Variants in PCDHGA2 observed in about 807,000 individuals in gnomAD.
PCDHGA2 encodes the protein protocadherin gamma subfamily A, 2.
Under a neutral mutation model 59.2 loss-of-function variants are expected in PCDHGA2, and 40 were observed. The observed-to-expected ratio is 0.68, with a 90% CI of 0.52 to 0.88. PCDHGA2 has a LOEUF of 0.88. Among genes scored for constraint, PCDHGA2 ranks in the 40% least tolerant of loss-of-function variants. The probability of loss-of-function intolerance (pLI) is 0.00; values close to 1 mark genes in which losing one functional copy is unlikely to be tolerated. For missense variants in PCDHGA2, 1,226 were observed against 1,204.0 expected (o/e 1.02, Z -0.27); for synonymous variants, 560 against 526.0 (o/e 1.06, Z -0.89).
At position 141,362,384 on chromosome 5, in the gene PCDHGA2, A is replaced by G. The variant is rs1333592752; in HGVS notation, c.2424+20989A>G. The G allele has an allele frequency of 1.9e-6, 3 of 1,614,042 alleles. No homozygotes were observed. The highest frequency in any genetic ancestry group is 2.5e-6 in the Non-Finnish European group (3 of 1,179,894). On this transcript the variant is annotated intron_variant, in intron 1 of 3. Coordinates refer to ENST00000394576, the MANE Select transcript of PCDHGA2 (RefSeq NM_018915.4). ...AATTACAGTGAGGGTACATTGCCCTATTCCTACAACCTGTGTGTTGCCTCA... is the reference window on the plus strand; with the variant it reads ...AATTACAGTGAGGGTACATTGCCCTGTTCCTACAACCTGTGTGTTGCCTCA...
intron 1 of PCDHGA2, chr5:141,350,982 A>G (rs562278000): frequency 2.2e-5 from 36 of 1,614,086 alleles, no homozygotes; most frequent in Non-Finnish European, 3.0e-5. Flanking sequence ...GTGTTTAGCC[A>G]GGAGGTATAC....
intron 1 of PCDHGA2, chr5:141,400,123 G>T: frequency 6.2e-7 from 1 of 1,614,082 alleles, no homozygotes; most frequent in Non-Finnish European, 8.5e-7. Flanking sequence ...CAGCTTGCAG[G>T]AGGTGCTGCC....
rs1757343212 is a variant in PCDHGA2, at chr5:141,343,943, G to T, written c.2424+2548G>T. The T allele has an allele frequency of 5.6e-6, 7 of 1,258,526 alleles. No homozygotes were observed. The East Asian group carries it at 7.3e-5, about 13-fold the overall frequency. 78.0% of individuals were successfully genotyped at this position (1,258,526 alleles called of 1,614,324 possible). On this transcript the variant is annotated intron_variant, in intron 1 of 3. Coordinates refer to ENST00000394576, the MANE Select transcript of PCDHGA2 (RefSeq NM_018915.4). ...GCTGTTTGACCTGTGAATTAGGCCC[G>T]TAAAAGACTTCGTTTCTTGAGAAAA...
intron 1 of PCDHGA2, chr5:141,398,772 G>T: frequency 6.2e-7 from 1 of 1,613,910 alleles, no homozygotes; most frequent in Non-Finnish European, 8.5e-7. Flanking sequence ...TGACTGCCTT[G>T]GACGGTGGAC....
chr5:141,422,563 G>A, intron 1 of PCDHGA2: 3 of 1,613,986 alleles, frequency 1.9e-6, no homozygotes, highest in African/African-American at 1.3e-5. Flanking sequence ...TGTGGCAGAT[G>A]ACAACGATAA....
intron 1 of PCDHGA2, chr5:141,371,806 T>A (rs773656836): frequency 6.2e-7 from 1 of 1,613,888 alleles, no homozygotes; most frequent in South Asian, 1.1e-5. Context: ...GGAGCCTCCA[T>A]TGCGCATGTC....
intron 1 of PCDHGA2, among the ~76,000 whole-genome samples, chr5:141,425,133 A>T (rs1311425564): frequency 6.6e-6 from 1 of 152,200 alleles, no homozygotes; most frequent in Non-Finnish European, 1.5e-5. Flanking sequence ...GTCAAGAAAA[A>T]TGTTCAGGTA....
rs11410533 is a variant in PCDHGA2, at chr5:141,429,387, TA to T, written c.2425-65412del. ...AAATGGAGAAAATGTGTTTTTTTTT[TA>T]AAAAAAATTGAGATTAAGGTCTCAT... On this transcript the variant is annotated intron_variant, in intron 1 of 3. Transcript: ENST00000394576. Among the ~76,000 whole-genome samples, 10 of 151,446 alleles carry T rather than the reference TA, an allele frequency of 6.6e-5. No individual in the cohort carries two copies. In the South Asian group the frequency reaches 1.0e-3, roughly 16 times the overall value.
chr5:141,487,304 C>T lies in PCDHGA2; in HGVS notation c.2425-7503C>T. The T allele has an allele frequency of 6.2e-7, 1 of 1,614,190 alleles. No homozygotes were observed. The highest frequency in any genetic ancestry group is 8.5e-7 in the Non-Finnish European group (1 of 1,180,042). On this transcript the variant is annotated intron_variant, in intron 1 of 3. Transcript: ENST00000394576. This position sits in a 1 kb window ranked among gnomAD's most constrained non-coding sequence, Gnocchi z 5.0. ...TGTCTCCTTTGGCTCATTCGTGGCA[C>T]TACTCTCTAAGTGTCTTCGTGGGGC...
Position 141,364,375 on chromosome 5 carries a change from G to A in PCDHGA2, c.2424+22980G>A, listed in dbSNP as rs749245484. On this transcript the variant is annotated intron_variant, in intron 1 of 3. Transcript: ENST00000394576. The stretch of plus-strand genomic sequence containing the variant: ...GCTGGGGCTGCGGAGAGCTGCTGCT[G>A]CCCTTCATGCTCCTGGGGACGCTGT... 1.9e-6 allele frequency: 3 copies of A among 1,574,886 alleles called. No individual in the cohort carries two copies. In the East Asian group the frequency reaches 6.7e-5, roughly 35 times the overall value.
chr5:141,421,130 A>G, intron 1 of PCDHGA2: 1 of 827,800 alleles, frequency 1.2e-6, no homozygotes, highest in South Asian at 1.8e-5. Context: ...GCTTTCTGAT[A>G]TATTTTGGAT....
intron 1 of PCDHGA2, chr5:141,357,065 A>C: frequency 1.2e-6 from 2 of 1,613,964 alleles, no homozygotes; most frequent in Non-Finnish European, 8.5e-7. Context: ...GTGGGGCTGC[A>C]CACAGGCGAG....
At chr5:141,442,403 G>A (rs1042068651) in intron 1 of PCDHGA2, 2 of 152,168 alleles carry the variant, frequency 1.3e-5, no homozygotes, top group African/African-American at 4.8e-5. Context: ...TACGAATCCA[G>A]GGCTGAGTGA....
At chr5:141,453,319 G>T (rs2098762311) in intron 1 of PCDHGA2, among the ~76,000 whole-genome samples, 1 of 151,492 alleles carries the variant, frequency 6.6e-6, no homozygotes, top group Admixed American at 6.6e-5. Flanking sequence ...TTATTTTAGA[G>T]ATGGGGTCTC....
chr5:141,502,629 G>A (rs1368174848), intron 2 of PCDHGA2, among the ~76,000 whole-genome samples: 1 of 152,096 alleles, frequency 6.6e-6, no homozygotes, highest in Non-Finnish European at 1.5e-5. Context: ...GTAATCTGTG[G>A]ATGATACTTT....
rs776189143 is a variant in PCDHGA2, at chr5:141,422,957, A to G, written c.2425-71850A>G. 11 of 1,614,190 alleles carry G rather than the reference A, an allele frequency of 6.8e-6. 1 individual carries two copies. The South Asian group carries it at 7.7e-5, about 11-fold the overall frequency. Reference sequence around the variant, plus strand: ...CCCACAGACGGCTCCACTGGCGTGGAGCTGGCGCCCCGCTCTGCGGAACCT... The same window carrying G: ...CCCACAGACGGCTCCACTGGCGTGGGGCTGGCGCCCCGCTCTGCGGAACCT... On this transcript the variant is annotated intron_variant, in intron 1 of 3. Coordinates refer to ENST00000394576, the MANE Select transcript of PCDHGA2 (RefSeq NM_018915.4).
intron 1 of PCDHGA2, among the ~76,000 whole-genome samples, chr5:141,483,373 G>A (rs1410856257): frequency 6.6e-6 from 1 of 152,166 alleles, no homozygotes; most frequent in Admixed American, 6.5e-5. Flanking sequence ...TGCAATATTT[G>A]AAGAGAAGAT....
chr5:141,351,560 A>G (rs1758755452), intron 1 of PCDHGA2: 1 of 1,614,036 alleles, frequency 6.2e-7, no homozygotes, highest in Non-Finnish European at 8.5e-7. Flanking sequence ...CAGGACAAGC[A>G]TCACCCTGCA....
Position 141,487,544 on chromosome 5 carries a change from C to A in PCDHGA2, c.2425-7263C>A. 1 of 1,614,190 alleles carries A rather than the reference C, an allele frequency of 6.2e-7. No homozygotes were observed. The highest frequency in any genetic ancestry group is 1.1e-5 in the South Asian group (1 of 91,088). On this transcript the variant is annotated intron_variant, in intron 1 of 3. Transcript: ENST00000394576. This position sits in a 1 kb window ranked among gnomAD's most constrained non-coding sequence, Gnocchi z 5.0. ...TGATAGCTTCATGATGGTGAAGTCA[C>A]CCAGTGCACCTATGGCAGGGGAGCC... is the stretch of plus-strand genomic sequence containing the variant.
Sources: allele counts gnomAD v4.1 joint callset (sites outside exome capture counted in the v4.1 genomes callset), GRCh38; gene constraint gnomAD v4.1.1; non-coding constraint Gnocchi (gnomAD v3.1); transcripts MANE v1.5; gene names NCBI Gene and HGNC (gene_info 2026-07-23, HGNC 2026-07-21).